The following PEDS1 variants were observed in gnomAD, a reference collection of about 807,000 sequenced individuals.
PEDS1 encodes CarF homolog.
PEDS1 carries 14 observed loss-of-function variants against 35.2 expected under a neutral mutation model. That is an observed-to-expected ratio of 0.40 (90% CI 0.26 to 0.62). The LOEUF is 0.62. Ranked by LOEUF, PEDS1 falls within the 20% of genes least tolerant of loss-of-function variation. The probability of loss-of-function intolerance (pLI) is 0.44; values close to 1 mark genes in which losing one functional copy is unlikely to be tolerated. For synonymous variants in PEDS1, 152 were observed against 152.0 expected (o/e 1.00, Z 0.00); for missense variants, 260 against 367.8 (o/e 0.71, Z 2.40).
intron 2 of PEDS1, among the ~76,000 whole-genome samples, chr20:50,132,492 T>C (rs1569043651): frequency 6.6e-6 from 1 of 152,150 alleles, no homozygotes; most frequent in Non-Finnish European, 1.5e-5. Context: ...TTTCCTAAGA[T>C]GCAACACAGC....
intron 1 of PEDS1, among the ~76,000 whole-genome samples, chr20:50,150,595 T>C (rs774187579): frequency 2.6e-5 from 4 of 152,214 alleles, no homozygotes; most frequent in African/African-American, 7.2e-5. Flanking sequence ...TCTCCTGCTA[T>C]GTATTTGCTC....
intron 1 of PEDS1, among the ~76,000 whole-genome samples, chr20:50,148,670 A>G (rs568364763): frequency 6.6e-6 from 1 of 152,150 alleles, no homozygotes; most frequent in South Asian, 2.1e-4. Context: ...AGCCCCAAAT[A>G]AGCTGGACTT....
intron 1 of PEDS1, among the ~76,000 whole-genome samples, chr20:50,152,511 C>A (rs928143914): frequency 6.6e-6 from 1 of 152,130 alleles, no homozygotes; most frequent in African/African-American, 2.4e-5. Context: ...CCTCCTGAGG[C>A]CAAACAGTAA....
At chr20:50,149,882 C>T (rs1213786008) in intron 1 of PEDS1, among the ~76,000 whole-genome samples, 1 of 152,216 alleles carries the variant, frequency 6.6e-6, no homozygotes, top group East Asian at 1.9e-4. Flanking sequence ...CCTAGCCCTA[C>T]TGCTGCCCGG....
chr20:50,133,613 C>T (rs2147280237), intron 2 of PEDS1, among the ~76,000 whole-genome samples: 1 of 152,292 alleles, frequency 6.6e-6, no homozygotes, highest in East Asian at 1.9e-4. Flanking sequence ...AGAAGGGCTT[C>T]TGGATTTTCT....
rs2081034746 is a variant in PEDS1, at chr20:50,119,631, C to G, written c.*5427G>C. ...GTGAAAAGGAGTGGGGCAGACATAC[C>G]CCTCTGCCTACATAAGGCATTGCAA... On this transcript the variant is annotated 3_prime_UTR_variant, in exon 6 of 6. Coordinates refer to ENST00000371652, the MANE Select transcript of PEDS1 (RefSeq NM_199129.4). The G allele has an allele frequency of 6.6e-6, 1 of 152,000 alleles. No individual in the cohort carries two copies. Among genetic ancestry groups the G allele is most frequent in the African/African-American group, 2.4e-5 (1 of 41,376 alleles). 9.4% of individuals were successfully genotyped at this position (152,000 alleles called of 1,614,324 possible).
At chr20:50,142,686 C>CG (rs990393237) in intron 2 of PEDS1, among the ~76,000 whole-genome samples, 2 of 88,764 alleles carry the variant, frequency 2.3e-5, no homozygotes, top group African/African-American at 4.1e-5. Flanking sequence ...TCATCCGCCC[C>CG]CCCCCCCCCG....
At chr20:50,126,492 TA>T (rs202226020) in intron 5 of PEDS1, among the ~76,000 whole-genome samples, 6 of 151,122 alleles carry the variant, frequency 4.0e-5, no homozygotes, top group South Asian at 2.1e-4. Context: ...CAGAAAGACC[TA>T]AAAAAAAATA....
chr20:50,131,104 G>A (rs1216823799), intron 2 of PEDS1, 157 bp from the exon 3 acceptor site: 2 of 1,531,596 alleles, frequency 1.3e-6, no homozygotes, highest in Non-Finnish European at 1.8e-6. Flanking sequence ...TGGAGCCTCA[G>A]GCTTAACACT....
At chr20:50,149,577 C>A (rs757553053) in intron 1 of PEDS1, among the ~76,000 whole-genome samples, 14 of 152,148 alleles carry the variant, frequency 9.2e-5, no homozygotes, top group Non-Finnish European at 1.9e-4. Flanking sequence ...CCTGCAGGAC[C>A]AGGGCTCAAC....
intron 1 of PEDS1, among the ~76,000 whole-genome samples, chr20:50,150,972 G>C (rs1418856300): frequency 6.6e-6 from 1 of 152,072 alleles, no homozygotes; most frequent in African/African-American, 2.4e-5. Flanking sequence ...CTAGGATTAC[G>C]GGTGTGAGCC....
intron 2 of PEDS1, among the ~76,000 whole-genome samples, chr20:50,133,572 G>A (rs1335494252): frequency 6.6e-6 from 1 of 152,154 alleles, no homozygotes; most frequent in Non-Finnish European, 1.5e-5. Context: ...GCAGGGGCGG[G>A]GATGTAGAAG....
intron 2 of PEDS1, among the ~76,000 whole-genome samples, chr20:50,139,200 C>T (rs1222240310): frequency 3.3e-5 from 5 of 152,112 alleles, no homozygotes; most frequent in Admixed American, 2.6e-4. Flanking sequence ...GCCCTCTGCC[C>T]GGAAGGCTTC....
Position 50,127,267 on chromosome 20 carries a change from C to A in PEDS1, c.691+708G>T, listed in dbSNP as rs147953053. ...GCAGTTAGCACCATTAGCCACGCTA[C>A]ACATTTTATTCATTCGTTCCAGCTC... On this transcript the variant is annotated intron_variant, in intron 5 of 5. Coordinates refer to ENST00000371652, the MANE Select transcript of PEDS1 (RefSeq NM_199129.4). Among the ~76,000 whole-genome samples, 396 of 151,806 alleles carry A rather than the reference C, an allele frequency of 2.6e-3. 2 individuals carry two copies. Among genetic ancestry groups the A allele is most frequent in the African/African-American group, 9.0e-3 (373 of 41,424 alleles).
rs538566493 is a variant in PEDS1, at chr20:50,141,019, C to T, written c.241+2483G>A. 7.9e-5 allele frequency among the ~76,000 whole-genome samples: 12 copies of T among 152,284 alleles called. No individual in the cohort carries two copies. The Middle Eastern group carries it at 0.014, about 173-fold the overall frequency. ...GGGCTGTGGCTGGAAGATCAGATCC[C>T]AACCAGGGAAGGGAGATAGTGACCT... On this transcript the variant is annotated intron_variant, in intron 2 of 5. Coordinates refer to ENST00000371652, the MANE Select transcript of PEDS1 (RefSeq NM_199129.4).
rs376759377 is a variant in PEDS1 at position 50,124,863 on chromosome 20, A to G, written c.*195T>C. 512 of 200,940 alleles carry G rather than the reference A, an allele frequency of 2.5e-3. 2 individuals are homozygous for G. The highest frequency in any genetic ancestry group is 0.01 in the African/African-American group (403 of 39,904). 12.4% of individuals were successfully genotyped at this position (200,940 alleles called of 1,614,324 possible). On this transcript the variant is annotated 3_prime_UTR_variant, in exon 6 of 6. Transcript: ENST00000371652. ...TCAGGTGGCTGAGGAGGGGCCGAGG[A>G]AAAAAAAAAAAAAGAAATGAAAAAT...
chr20:50,142,763 G>C (rs1422094985), intron 2 of PEDS1, among the ~76,000 whole-genome samples: 1 of 145,400 alleles, frequency 6.9e-6, no homozygotes, highest in Non-Finnish European at 1.5e-5. Context: ...GGGCTGCTAT[G>C]TTTTGTGGGG....
rs1317104317 is a variant in PEDS1 at position 50,122,260 on chromosome 20, T to C, written c.*2798A>G. 2.6e-5 allele frequency: 4 copies of C among 152,234 alleles called. No homozygotes were observed. Among genetic ancestry groups the C allele is most frequent in the African/African-American group, 9.6e-5 (4 of 41,462 alleles). The allele number at this position is 152,234 out of a possible 1,614,324, so 9.4% of individuals were successfully genotyped here. On this transcript the variant is annotated 3_prime_UTR_variant, in exon 6 of 6. Transcript: ENST00000371652. ...TAGACTTTTCCGTTTTATGAGCTAATACGATTATTTTAGCTGTTTACTTTA... is the reference window on the plus strand; with the variant it reads ...TAGACTTTTCCGTTTTATGAGCTAACACGATTATTTTAGCTGTTTACTTTA...
At position 50,127,970 on chromosome 20, in the gene PEDS1, C is replaced by T. The variant is rs760532140; in HGVS notation, c.691+5G>A. On this transcript the variant is annotated splice_donor_5th_base_variant and intron_variant, in intron 5 of 5. Transcript: ENST00000371652. ...AAGCCCATTCCACGCCACTGGTGGC[C>T]GCACCTGTGGTGATGCAGAAGTAGG... 12 of 1,612,840 alleles carry T rather than the reference C, an allele frequency of 7.4e-6. No individual in the cohort carries two copies. Among genetic ancestry groups the T allele is most frequent in the Admixed American group, 1.7e-5 (1 of 59,830 alleles).
Sources: allele counts gnomAD v4.1 joint callset (sites outside exome capture counted in the v4.1 genomes callset), GRCh38; gene constraint gnomAD v4.1.1; transcripts MANE v1.5; gene names NCBI Gene and HGNC (gene_info 2026-07-23, HGNC 2026-07-21).